The following ZEB1 variants were observed in gnomAD, a reference collection of about 807,000 sequenced individuals.
ZEB1 encodes zinc finger E-box binding homeobox 1.
In ZEB1, 21 loss-of-function variants were observed where a neutral mutation model predicts 84.9. The ratio of observed to expected loss-of-function variants is 0.25; its 90% CI spans 0.18 to 0.36. The LOEUF is 0.36. Ranked by LOEUF, ZEB1 falls within the 10% of genes least tolerant of loss-of-function variation. The pLI, the probability that ZEB1 is intolerant of heterozygous loss-of-function variation, is 1.00. For missense variants in ZEB1, 1,104 were observed against 1,330.2 expected (o/e 0.83, Z 2.65); for synonymous variants, 420 against 471.1 (o/e 0.89, Z 1.41).
intron 4 of ZEB1, among the ~76,000 whole-genome samples, chr10:31,504,539 C>T (rs1415969565): frequency 6.6e-6 from 1 of 151,892 alleles, no homozygotes; most frequent in Non-Finnish European, 1.5e-5. Context: ...GTAGATCGCT[C>T]TGGGCAATAT....
chr10:31,321,503 G>A (rs1351197038), intron 1 of ZEB1: 1 of 1,613,936 alleles, frequency 6.2e-7, no homozygotes, highest in African/African-American at 1.3e-5. Flanking sequence ...TTGAGCTGTT[G>A]CCGCTGTTGC....
chr10:31,359,914 A>G (rs1438820168), intron 1 of ZEB1, among the ~76,000 whole-genome samples: 1 of 152,168 alleles, frequency 6.6e-6, no homozygotes, highest in African/African-American at 2.4e-5. Flanking sequence ...CCTCAGGGCT[A>G]CTGAGGTATG....
chr10:31,438,862 A>G (rs2058573987), intron 1 of ZEB1, among the ~76,000 whole-genome samples: 1 of 152,168 alleles, frequency 6.6e-6, no homozygotes, highest in Admixed American at 6.5e-5. Context: ...ACATACATCT[A>G]TAGAAATATA....
intron 1 of ZEB1, among the ~76,000 whole-genome samples, chr10:31,406,839 G>C (rs547611392): frequency 5.9e-5 from 9 of 152,088 alleles, no homozygotes; most frequent in Non-Finnish European, 1.2e-4. Flanking sequence ...TTATGTTTAA[G>C]TGTTTAATCT....
intron 6 of ZEB1, among the ~76,000 whole-genome samples, chr10:31,516,840 C>T (rs2071253772): frequency 6.6e-6 from 1 of 151,994 alleles, no homozygotes; most frequent in Non-Finnish European, 1.5e-5. Context: ...TTTAAGTACA[C>T]AGCTCTCTGA....
chr10:31,360,934 G>T lies in ZEB1; in HGVS notation c.58+41642G>T, dbSNP rs1290483316. ...GCATGGATGCTCTAATAAATTGCAT[G>T]TCTGGAGGAAGCAGCTAACTATGGC... is the stretch of plus-strand genomic sequence containing the variant. On this transcript the variant is annotated intron_variant, in intron 1 of 8. Coordinates refer to ENST00000424869, the MANE Select transcript of ZEB1 (RefSeq NM_001174096.2). The T allele has an allele frequency of 3.2e-6, 5 of 1,581,674 alleles. No homozygotes were observed. In the East Asian group the frequency reaches 6.7e-5, roughly 21 times the overall value.
At chr10:31,454,830 A>G (rs982865901) in intron 1 of ZEB1, among the ~76,000 whole-genome samples, 2 of 152,208 alleles carry the variant, frequency 1.3e-5, no homozygotes, top group African/African-American at 4.8e-5. Flanking sequence ...GAAAATGGCC[A>G]TACTGCCGAA....
intron 1 of ZEB1, among the ~76,000 whole-genome samples, chr10:31,439,462 C>A (rs1053472666): frequency 3.0e-4 from 45 of 151,936 alleles, no homozygotes; most frequent in African/African-American, 1.0e-3. Context: ...GTTACTGGGA[C>A]TTTTTTGCCG....
At chr10:31,509,319 G>C (rs1320666705) in intron 4 of ZEB1, among the ~76,000 whole-genome samples, 1 of 152,152 alleles carries the variant, frequency 6.6e-6, no homozygotes, top group East Asian at 1.9e-4. Flanking sequence ...GATTGCAGGA[G>C]TCCATGGTGG....
At chr10:31,361,879 ACGGCGG>A (rs2043183964) in intron 1 of ZEB1, among the ~76,000 whole-genome samples, 1 of 110,312 alleles carries the variant, frequency 9.1e-6, no homozygotes, top group African/African-American at 3.6e-5. Flanking sequence ...CGCAGACGGG[ACGGCGG>A]CAAGGCAGGG....
At chr10:31,459,994 T>C (rs572095116) in intron 1 of ZEB1, among the ~76,000 whole-genome samples, 1 of 152,024 alleles carries the variant, frequency 6.6e-6, no homozygotes, top group African/African-American at 2.4e-5. Flanking sequence ...ACTGCCTAGT[T>C]ATCTAAATAA....
chr10:31,341,831 C>A (rs1205920928), intron 1 of ZEB1, among the ~76,000 whole-genome samples: 1 of 152,088 alleles, frequency 6.6e-6, no homozygotes, highest in African/African-American at 2.4e-5. Context: ...AGACTAGAAA[C>A]CACACATTTT....
At chr10:31,398,008 G>A (rs1385174410) in intron 1 of ZEB1, among the ~76,000 whole-genome samples, 5 of 152,110 alleles carry the variant, frequency 3.3e-5, no homozygotes, top group Non-Finnish European at 2.9e-5. Context: ...TAATAGTTTC[G>A]CTTTCTAAAG....
At position 31,477,086 on chromosome 10, in the gene ZEB1, A is replaced by G. The variant is rs2064318721; in HGVS notation, c.259+15849A>G. On this transcript the variant is annotated intron_variant, in intron 2 of 8. Coordinates refer to ENST00000424869, the MANE Select transcript of ZEB1 (RefSeq NM_001174096.2). Reference sequence around the variant, plus strand: ...AACAGTTGGGCAAGAGAAAGAAACAAAAGGCATCCAGATTGGAAAAGAGGA... The same window carrying G: ...AACAGTTGGGCAAGAGAAAGAAACAGAAGGCATCCAGATTGGAAAAGAGGA... 2.0e-5 allele frequency among the ~76,000 whole-genome samples: 3 copies of G among 152,074 alleles called. No individual in the cohort carries two copies. In the East Asian group the frequency reaches 5.8e-4, roughly 29 times the overall value.
At chr10:31,374,527 TC>T (rs1312736371) in intron 1 of ZEB1, among the ~76,000 whole-genome samples, 2 of 151,862 alleles carry the variant, frequency 1.3e-5, no homozygotes, top group Non-Finnish European at 3.0e-5. Flanking sequence ...TTATTGAACT[TC>T]CAGTGCCAAT....
intron 3 of ZEB1, among the ~76,000 whole-genome samples, chr10:31,496,163 TGCAGA>T (rs1234193594): frequency 6.6e-6 from 1 of 152,068 alleles, no homozygotes; most frequent in Non-Finnish European, 1.5e-5. Context: ...GTTAGAGAAA[TGCAGA>T]TCTAACTTTT....
At chr10:31,524,737 T>G (rs2073089142) in intron 8 of ZEB1, among the ~76,000 whole-genome samples, 2 of 150,444 alleles carry the variant, frequency 1.3e-5, no homozygotes, top group African/African-American at 5.0e-5. Flanking sequence ...ATAGTACCCA[T>G]TAATAAAAAA....
In ZEB1 at chr10:31,521,567, A is replaced by G. The variant is rs2072380782; in HGVS notation, c.2235A>G (p.Gly745=). ...PLDLSLPKQQ[G]ELLERSTITS... ...ATCTTTCACTACCAAAGCAACAGGG[A>G]GAATTATTAGAAAGGTCAACTATCA... The change falls in exon 7 of 9, where the codon GGA becomes GGG. Residue 745 remains glycine (G), a synonymous_variant. Coordinates refer to ENST00000424869, the MANE Select transcript of ZEB1 (RefSeq NM_001174096.2). The G allele has an allele frequency of 1.9e-6, 3 of 1,613,994 alleles. No homozygotes were observed. The highest frequency in any genetic ancestry group is 2.5e-6 in the Non-Finnish European group (3 of 1,180,022).
At chr10:31,449,112 A>G (rs223527) in intron 1 of ZEB1, among the ~76,000 whole-genome samples, 38,592 of 142,522 alleles carry the variant, frequency 0.27, 10,596 homozygotes, top group African/African-American at 0.7. Context: ...ATATAGTCTC[A>G]TGGTGCGCCA....
Sources: allele counts gnomAD v4.1 joint callset (sites outside exome capture counted in the v4.1 genomes callset), GRCh38; gene constraint gnomAD v4.1.1; transcripts MANE v1.5; gene names NCBI Gene and HGNC (gene_info 2026-07-23, HGNC 2026-07-21).